NKAIN2: variants seen among roughly 807,000 people sequenced by gnomAD.
NKAIN2 encodes the protein sodium/potassium-transporting ATPase subunit beta-1-interacting protein 2.
A neutral mutation model predicts 32.6 loss-of-function variants in NKAIN2; 14 were observed. The observed-to-expected ratio is 0.43, with a 90% CI of 0.28 to 0.67. NKAIN2 has a LOEUF of 0.67. Ranked by LOEUF, NKAIN2 falls within the 30% of genes least tolerant of loss-of-function variation. The pLI, the probability that NKAIN2 is intolerant of heterozygous loss-of-function variation, is 0.17. For missense variants in NKAIN2, 198 were observed against 258.3 expected (o/e 0.77, Z 1.60); for synonymous variants, 80 against 87.2 (o/e 0.92, Z 0.46).
chr6:124,187,536 A>G (rs1789806637), intron 1 of NKAIN2, among the ~76,000 whole-genome samples: 1 of 152,180 alleles, frequency 6.6e-6, no homozygotes, highest in Non-Finnish European at 1.5e-5. Context: ...GCCCTACTTT[A>G]GGCGTATTGA....
intron 1 of NKAIN2, among the ~76,000 whole-genome samples, chr6:124,245,702 A>C (rs1418286599): frequency 6.6e-6 from 1 of 152,092 alleles, no homozygotes; most frequent in African/African-American, 2.4e-5. Flanking sequence ...TCTATAGTTT[A>C]ATTGTTGGGA....
chr6:124,533,380 G>A (rs1222831294), intron 3 of NKAIN2, among the ~76,000 whole-genome samples: 1 of 150,532 alleles, frequency 6.6e-6, no homozygotes, highest in Non-Finnish European at 1.5e-5. Context: ...GCTGAGGCAG[G>A]AGAATGGCGT....
intron 4 of NKAIN2, among the ~76,000 whole-genome samples, chr6:124,719,024 T>TA (rs1468246486): frequency 1.3e-5 from 2 of 152,180 alleles, no homozygotes; most frequent in African/African-American, 4.8e-5. Flanking sequence ...AAATAATACT[T>TA]ATGAGTTTAA....
At chr6:123,895,447 T>G (rs772943472) in intron 1 of NKAIN2, among the ~76,000 whole-genome samples, 2 of 152,190 alleles carry the variant, frequency 1.3e-5, no homozygotes, top group Non-Finnish European at 2.9e-5. Flanking sequence ...CTTGATATAT[T>G]TTGAAAACAA....
At chr6:124,124,743 T>C (rs900410331) in intron 1 of NKAIN2, among the ~76,000 whole-genome samples, 2 of 152,202 alleles carry the variant, frequency 1.3e-5, no homozygotes, top group Non-Finnish European at 2.9e-5. Context: ...TTAGTAAATA[T>C]TGTTCTCCTG....
intron 5 of NKAIN2, among the ~76,000 whole-genome samples, chr6:124,816,019 T>A (rs1398349074): frequency 6.6e-6 from 1 of 152,188 alleles, no homozygotes; most frequent in African/African-American, 2.4e-5. Flanking sequence ...GTCCTTCTAA[T>A]ATCAGGGTCT....
intron 5 of NKAIN2, among the ~76,000 whole-genome samples, chr6:124,792,918 G>A (rs533830471): frequency 6.6e-6 from 1 of 152,156 alleles, no homozygotes; most frequent in South Asian, 2.1e-4. Context: ...GAAAGAGCAG[G>A]TAGCTTATAA....
intron 4 of NKAIN2, among the ~76,000 whole-genome samples, chr6:124,781,326 T>C (rs1466160414): frequency 1.3e-5 from 2 of 152,260 alleles, no homozygotes; most frequent in African/African-American, 4.8e-5. Flanking sequence ...TAGATGATGA[T>C]AGAAATTATC....
At chr6:124,689,698 AT>A (rs1774167938) in intron 4 of NKAIN2, among the ~76,000 whole-genome samples, 1 of 152,062 alleles carries the variant, frequency 6.6e-6, no homozygotes, top group African/African-American at 2.4e-5. Context: ...ATTGTTCCAA[AT>A]CCATTTGTGG....
Position 124,609,373 on chromosome 6 carries a change from C to T in NKAIN2, c.274-48813C>T, listed in dbSNP as rs79940965. On this transcript the variant is annotated intron_variant, in intron 3 of 6. Coordinates refer to ENST00000368417, the MANE Select transcript of NKAIN2 (RefSeq NM_001040214.3). ...TTTACTTTATTTTTTCATCACTCACCCTGGAATTGTTTGATAGGATGGTTT... is the reference window on the plus strand; with the variant it reads ...TTTACTTTATTTTTTCATCACTCACTCTGGAATTGTTTGATAGGATGGTTT... Among the ~76,000 whole-genome samples, 945 of 152,014 alleles carry T rather than the reference C, an allele frequency of 6.2e-3. 14 individuals carry two copies. The highest frequency in any genetic ancestry group is 0.022 in the African/African-American group (897 of 41,434).
At chr6:124,077,131 C>T (rs1783730762) in intron 1 of NKAIN2, among the ~76,000 whole-genome samples, 1 of 152,124 alleles carries the variant, frequency 6.6e-6, no homozygotes, top group Non-Finnish European at 1.5e-5. Context: ...TAAACCAAGG[C>T]CATCATTCTG....
At chr6:124,284,033 A>G (rs7774290) in intron 2 of NKAIN2, among the ~76,000 whole-genome samples, 28,718 of 146,060 alleles carry the variant, frequency 0.2, 2,957 homozygotes, top group East Asian at 0.28. Flanking sequence ...TGTTCTCTCC[A>G]TCATCTAGAA....
chr6:124,677,620 CATT>C (rs925296523), intron 4 of NKAIN2, among the ~76,000 whole-genome samples: 1 of 152,188 alleles, frequency 6.6e-6, no homozygotes, highest in Non-Finnish European at 1.5e-5. Flanking sequence ...ATCACATACA[CATT>C]ATGTTACTGA....
intron 1 of NKAIN2, among the ~76,000 whole-genome samples, chr6:123,825,613 G>A (rs979050335): frequency 5.3e-5 from 8 of 152,110 alleles, no homozygotes; most frequent in African/African-American, 1.9e-4. Context: ...AGGATGGCTT[G>A]AAATGGGCAT....
intron 3 of NKAIN2, among the ~76,000 whole-genome samples, chr6:124,536,854 G>T (rs191125318): frequency 6.6e-6 from 1 of 152,264 alleles, no homozygotes; most frequent in Admixed American, 6.5e-5. Flanking sequence ...CAAAACATGT[G>T]AAACAAAAAG....
intron 1 of NKAIN2, among the ~76,000 whole-genome samples, chr6:124,109,881 T>A (rs1217192183): frequency 6.6e-6 from 1 of 152,134 alleles, no homozygotes; most frequent in Non-Finnish European, 1.5e-5. Flanking sequence ...TCCTTTATTC[T>A]GTTGATTTGC....
chr6:124,680,734 G>A (rs1041806051), intron 4 of NKAIN2, among the ~76,000 whole-genome samples: 1 of 151,940 alleles, frequency 6.6e-6, no homozygotes, highest in African/African-American at 2.4e-5. Context: ...CAAAATAAAG[G>A]TTAAATATAA....
chr6:124,522,014 T>C (rs1779135741), intron 3 of NKAIN2, among the ~76,000 whole-genome samples: 1 of 152,174 alleles, frequency 6.6e-6, no homozygotes, highest in African/African-American at 2.4e-5. Context: ...CCATCCTCAG[T>C]ACTAACCCTA....
chr6:124,590,363 A>C (rs1479055), intron 3 of NKAIN2, among the ~76,000 whole-genome samples: 1 of 152,174 alleles, frequency 6.6e-6, no homozygotes, highest in East Asian at 1.9e-4. Flanking sequence ...TGCATCCTAT[A>C]TAGACTACTT....
Sources: allele counts gnomAD v4.1 joint callset (sites outside exome capture counted in the v4.1 genomes callset), GRCh38; gene constraint gnomAD v4.1.1; transcripts MANE v1.5; gene names NCBI Gene and HGNC (gene_info 2026-07-23, HGNC 2026-07-21).